The following HAUS8 variants were observed in gnomAD, a reference collection of about 807,000 sequenced individuals.
HAUS8 encodes HAUS augmin-like complex subunit 8.
In HAUS8, 38 loss-of-function variants were observed where a neutral mutation model predicts 42.9. The ratio of observed to expected loss-of-function variants is 0.89; its 90% confidence interval spans 0.68 to 1.16. The LOEUF (loss-of-function observed/expected upper bound fraction) is 1.16, where lower values mean the gene tolerates loss of function less well. Ranked by LOEUF, HAUS8 falls within the 50% of genes most tolerant of loss-of-function variation. HAUS8 has a pLI of 0.00. For synonymous variants in HAUS8, 199 were observed against 205.8 expected (o/e 0.97, Z 0.28); for missense variants, 494 against 511.6 (o/e 0.97, Z 0.33).
chr19:17,069,046 C>T lies in HAUS8; in HGVS notation c.132G>A (p.Lys44=), dbSNP rs760543420. 6.2e-7 allele frequency: 1 copy of T among 1,613,210 alleles called. No homozygotes were observed. Among genetic ancestry groups the T allele is most frequent in the African/African-American group, 1.3e-5 (1 of 74,886 alleles). ...GCGGCCTTACCTTTTGGGTTGTCTT[C>T]TTTTCATACTGCAGATACCGGGACT... ...VIESRYLQYE[K]KTTQKAPAGD... is the part of the protein sequence containing the mutation. The change falls in exon 3 of 11, where the codon AAG becomes AAA. Residue 44 remains lysine, a synonymous_variant. Coordinates refer to ENST00000253669, the MANE Select transcript of HAUS8 (RefSeq NM_033417.2).
In HAUS8 at chr19:17,073,347, G is replaced by T; in HGVS notation, c.30-12C>A. Reference sequence around the variant, plus strand: ...CGGTTGCAGGCTTCCTGCAAGAGAAGAGAGAGAGGTCTTGTTCACCTCACT... The same window carrying T: ...CGGTTGCAGGCTTCCTGCAAGAGAATAGAGAGAGGTCTTGTTCACCTCACT... On this transcript the variant is annotated splice_polypyrimidine_tract_variant and intron_variant, in intron 1 of 10. Transcript: ENST00000253669. 1 of 1,611,334 alleles carries T rather than the reference G, an allele frequency of 6.2e-7. No homozygotes were observed. The highest frequency in any genetic ancestry group is 8.5e-7 in the Non-Finnish European group (1 of 1,177,610).
Position 17,058,887 on chromosome 19 carries a change from G to C in HAUS8, c.421-11C>G, listed in dbSNP as rs1568636844. ...TGCTTCAGATAAATCCTTAAGAAAA[G>C]AAAAAGACCCTCTCAATTCCTGATG... On this transcript the variant is annotated splice_polypyrimidine_tract_variant and intron_variant, in intron 6 of 10. Transcript: ENST00000253669. 1 of 1,604,998 alleles carries C rather than the reference G, an allele frequency of 6.2e-7. No individual in the cohort carries two copies. Among genetic ancestry groups the C allele is most frequent in the Admixed American group, 1.7e-5 (1 of 58,810 alleles).
At position 17,052,902 on chromosome 19, in the gene HAUS8, C is replaced by T. The variant is rs758468407; in HGVS notation, c.852G>A (p.Ser284=). The change falls in exon 10 of 11, where the codon TCG becomes TCA. Residue 284 remains serine, a synonymous_variant. Transcript: ENST00000253669. ...AGTCCAGCACCTGCACATTTTCTTC[C>T]GAATCACCAACATCAAGTTCTCCCA... The part of the protein sequence containing the change: ...RLLGELDVGD[S]EENVQVLDLL... The T allele has an allele frequency of 5.0e-6, 8 of 1,614,052 alleles. No individual in the cohort carries two copies. The highest frequency in any genetic ancestry group is 1.7e-5 in the Admixed American group (1 of 59,992).
At chr19:17,061,728 C>G (rs1162424579) in intron 4 of HAUS8, among the ~76,000 whole-genome samples, 2 of 152,220 alleles carry the variant, frequency 1.3e-5, no homozygotes, top group South Asian at 2.1e-4. Flanking sequence ...CCCCTTCCCC[C>G]AGATATGACA....
chr19:17,050,226 C>T (rs773751994), intron 10 of HAUS8, 50 bp from the exon 11 acceptor site: 19 of 1,394,264 alleles, frequency 1.4e-5, no homozygotes, highest in African/African-American at 2.9e-5. Context: ...TGAGGTGAAG[C>T]GCATGTGTGT....
chr19:17,052,173 G>T (rs1400224697), intron 10 of HAUS8: 1 of 151,722 alleles, frequency 6.6e-6, no homozygotes, highest in African/African-American at 2.4e-5. Flanking sequence ...TCACCATGTT[G>T]CCCAGGCTGG....
At chr19:17,057,941 C>A (rs1387034032) in intron 8 of HAUS8, among the ~76,000 whole-genome samples, 1 of 152,196 alleles carries the variant, frequency 6.6e-6, no homozygotes, top group Non-Finnish European at 1.5e-5. Context: ...CATTCACAGG[C>A]CAAAGACAGG....
chr19:17,061,134 T>A, intron 4 of HAUS8, among the ~76,000 whole-genome samples: 1 of 52 alleles, frequency 0.019, no homozygotes, highest in East Asian at 0.022. Flanking sequence ...GGAAATTTTC[T>A]TTTTTTTTTT....
chr19:17,067,653 T>C (rs193238337), intron 3 of HAUS8, among the ~76,000 whole-genome samples: 14 of 152,100 alleles, frequency 9.2e-5, no homozygotes, highest in African/African-American at 3.4e-4. Flanking sequence ...AACATGAAAA[T>C]TTGGAGCGTG....
intron 4 of HAUS8, among the ~76,000 whole-genome samples, chr19:17,060,436 G>A (rs922149943): frequency 5.3e-5 from 8 of 152,134 alleles, no homozygotes; most frequent in Non-Finnish European, 7.4e-5. Context: ...TTTTTGAGAC[G>A]GAGTTTCACT....
chr19:17,075,498 C>G, upstream of HAUS8: 1 of 1,547,626 alleles, frequency 6.5e-7, no homozygotes, highest in Non-Finnish European at 8.9e-7. Context: ...GCGGGTCGGA[C>G]CATTTGTGGA....
At chr19:17,068,259 G>A (rs187429063) in intron 3 of HAUS8, among the ~76,000 whole-genome samples, 96 of 152,000 alleles carry the variant, frequency 6.3e-4, no homozygotes, top group Middle Eastern at 3.4e-3. Context: ...GATTACAGGT[G>A]CACGCCACTG....
intron 1 of HAUS8, 66 bp from the exon 2 acceptor site, chr19:17,073,401 G>T: frequency 6.8e-7 from 1 of 1,461,028 alleles, no homozygotes; most frequent in Non-Finnish European, 9.6e-7. Context: ...AGCCGGCGAG[G>T]TGCCTCTGCT....
At chr19:17,067,451 G>T (rs2057393695) in intron 3 of HAUS8, among the ~76,000 whole-genome samples, 1 of 152,102 alleles carries the variant, frequency 6.6e-6, no homozygotes, top group Non-Finnish European at 1.5e-5. Context: ...TCTGTAGCTT[G>T]ATTATAGAGG....
intron 7 of HAUS8, 31 bp from the exon 8 acceptor site, chr19:17,058,738 G>A (rs780414814): frequency 1.0e-5 from 16 of 1,605,008 alleles, no homozygotes; most frequent in Middle Eastern, 3.3e-4. Flanking sequence ...GCTCAAGCAG[G>A]TGGGGACTCC....
intron 2 of HAUS8, among the ~76,000 whole-genome samples, chr19:17,072,406 G>A (rs960245222): frequency 2.8e-5 from 4 of 141,264 alleles, no homozygotes; most frequent in Non-Finnish European, 3.0e-5. Flanking sequence ...ACAGTGGCGC[G>A]ATCTCGGCTC....
chr19:17,059,735 T>C, intron 5 of HAUS8, 84 bp from the exon 6 acceptor site: 1 of 839,142 alleles, frequency 1.2e-6, no homozygotes, highest in Non-Finnish European at 2.0e-6. Flanking sequence ...ATGATGGGTT[T>C]ATTGGGATGT....
Position 17,075,392 on chromosome 19 carries a change from A to T in HAUS8, c.29+2T>A, listed in dbSNP as rs1336406763. 9.9e-6 allele frequency: 16 copies of T among 1,612,906 alleles called. No homozygotes were observed. Among genetic ancestry groups the T allele is most frequent in the Non-Finnish European group, 1.4e-5 (16 of 1,179,692 alleles). On this transcript the variant is annotated splice_donor_variant, in intron 1 of 10. Coordinates refer to ENST00000253669, the MANE Select transcript of HAUS8 (RefSeq NM_033417.2). LOFTEE classifies it high-confidence loss of function. ...TCCAGACCTGCGGAAGCCCCAACTC[A>T]CCCAGCGCCTCGCCCCGAGGAATCC...
intron 6 of HAUS8, among the ~76,000 whole-genome samples, chr19:17,059,187 C>T (rs769135600): frequency 9.2e-5 from 14 of 152,164 alleles, no homozygotes; most frequent in Middle Eastern, 3.2e-3. Flanking sequence ...ACCAGAATGC[C>T]GTCTCCCCAC....
Sources: gnomAD v4.1 joint callset for allele counts (sites outside exome capture counted in the v4.1 genomes callset) on GRCh38, gnomAD v4.1.1 for gene constraint, MANE v1.5 for transcripts, NCBI Gene and HGNC (gene_info 2026-07-23, HGNC 2026-07-21) for gene names.